The following SLC1A2 variants were observed in gnomAD, a reference collection of about 807,000 sequenced individuals.
The protein encoded by SLC1A2 is excitatory amino acid transporter 2.
A neutral mutation model predicts 48.8 loss-of-function variants in SLC1A2; 15 were observed. The ratio of observed to expected loss-of-function variants is 0.31; its 90% confidence interval spans 0.21 to 0.47. The LOEUF is 0.47. Among genes scored for constraint, SLC1A2 ranks in the 20% least tolerant of loss-of-function variants. The pLI is 0.99. For missense variants in SLC1A2, 502 were observed against 730.5 expected, an observed-to-expected ratio of 0.69 and a Z score of 3.61; for synonymous variants, 279 against 272.6, an observed-to-expected ratio of 1.02 and a Z score of -0.23.
At chr11:35,278,639 C>T (rs1395780794) in intron 9 of SLC1A2, among the ~76,000 whole-genome samples, 2 of 152,170 alleles carry the variant, frequency 1.3e-5, no homozygotes, top group Non-Finnish European at 2.9e-5. Flanking sequence ...GCCTTCCCAG[C>T]TGTCCTTCCT....
chr11:35,282,630 G>C (rs1308429788), intron 8 of SLC1A2, among the ~76,000 whole-genome samples: 1 of 152,036 alleles, frequency 6.6e-6, no homozygotes, highest in Non-Finnish European at 1.5e-5. Context: ...ATTCTCAACT[G>C]TTTCCCAAAC....
intron 1 of SLC1A2, among the ~76,000 whole-genome samples, chr11:35,343,785 T>G (rs1211641584): frequency 6.6e-6 from 1 of 151,966 alleles, no homozygotes; most frequent in Non-Finnish European, 1.5e-5. Context: ...CACCAGGATG[T>G]GCACAGACAC....
Position 35,315,017 on chromosome 11 carries a change from T to C in SLC1A2, c.310+6A>G, listed in dbSNP as rs1235110913. The stretch of plus-strand genomic sequence containing the variant: ...TGTTAGCCAGGCACTAGTGAGGTAG[T>C]CTTACCTGTGATTAAGCTGGAGATG... On this transcript the variant is annotated splice_donor_region_variant and intron_variant, in intron 3 of 10. Transcript: ENST00000278379. The C allele has an allele frequency of 2.5e-6, 4 of 1,609,704 alleles. No homozygotes were observed. The highest frequency in any genetic ancestry group is 2.2e-5 in the South Asian group (2 of 90,968).
At chr11:35,271,657 C>G (rs943885885) in intron 9 of SLC1A2, among the ~76,000 whole-genome samples, 1 of 152,044 alleles carries the variant, frequency 6.6e-6, no homozygotes, top group African/African-American at 2.4e-5. Flanking sequence ...GCCTGGCCAG[C>G]ACGGTGAAAC....
intron 1 of SLC1A2, among the ~76,000 whole-genome samples, chr11:35,376,681 A>G (rs1179860148): frequency 1.3e-5 from 2 of 152,206 alleles, no homozygotes; most frequent in Non-Finnish European, 2.9e-5. Context: ...ATCTTGATTT[A>G]ACATTATATC....
At chr11:35,284,856 G>A (rs1850760567) in intron 8 of SLC1A2, among the ~76,000 whole-genome samples, 1 of 152,202 alleles carries the variant, frequency 6.6e-6, no homozygotes, top group Admixed American at 6.5e-5. Context: ...TGGTCCCTGA[G>A]CTTGGACTTT....
chr11:35,272,836 A>C (rs1353450513), intron 9 of SLC1A2, among the ~76,000 whole-genome samples: 1 of 152,214 alleles, frequency 6.6e-6, no homozygotes, highest in Non-Finnish European at 1.5e-5. Flanking sequence ...GCTATGCTTT[A>C]GAGGTCACCA....
intron 1 of SLC1A2, among the ~76,000 whole-genome samples, chr11:35,407,946 G>A (rs557923178): frequency 2.0e-5 from 3 of 152,254 alleles, no homozygotes; most frequent in East Asian, 1.9e-4. Flanking sequence ...TAAAGGCCCC[G>A]GCCTGTCATG....
At chr11:35,261,346 T>C (rs1341297277) in intron 10 of SLC1A2, among the ~76,000 whole-genome samples, 1 of 152,210 alleles carries the variant, frequency 6.6e-6, no homozygotes, top group Admixed American at 6.5e-5. Context: ...ACTAGGTATC[T>C]AGTTCTACTC....
chr11:35,270,951 T>A (rs144613617), intron 9 of SLC1A2, among the ~76,000 whole-genome samples: 1 of 152,248 alleles, frequency 6.6e-6, no homozygotes, highest in Non-Finnish European at 1.5e-5. Context: ...GAAAAGATCA[T>A]GTTTGTTCCA....
chr11:35,339,042 T>C (rs1296012253), intron 1 of SLC1A2, among the ~76,000 whole-genome samples: 1 of 152,222 alleles, frequency 6.6e-6, no homozygotes, highest in African/African-American at 2.4e-5. Flanking sequence ...GGGGATCATC[T>C]TGTTTTCTAC....
intron 1 of SLC1A2, among the ~76,000 whole-genome samples, chr11:35,344,160 T>C (rs1419726665): frequency 6.6e-6 from 1 of 152,210 alleles, no homozygotes; most frequent in Non-Finnish European, 1.5e-5. Context: ...GGCTTGGCAT[T>C]GTTCTATATG....
chr11:35,419,016 G>C lies in SLC1A2; in HGVS notation c.-50C>G, dbSNP rs766386311. 91 of 1,529,554 alleles carry C rather than the reference G, an allele frequency of 5.9e-5. No individual in the cohort carries two copies. The highest frequency in any genetic ancestry group is 7.0e-5 in the Non-Finnish European group (79 of 1,131,592). The allele number at this position is 1,529,554 out of a possible 1,614,324, so 94.7% of individuals were successfully genotyped here. On this transcript the variant is annotated 5_prime_UTR_variant, in exon 1 of 11. Coordinates refer to ENST00000278379, the MANE Select transcript of SLC1A2 (RefSeq NM_004171.4). This position sits in a 1 kb window ranked among gnomAD's most constrained non-coding sequence, Gnocchi z 5.4. The stretch of plus-strand genomic sequence containing the variant: ...TCAGCACTATCCGGCAGCTGTGGGC[G>C]AGGGAGAAAGCGGACGCCGGGGTGA...
In SLC1A2 at chr11:35,374,512, T is replaced by C. The variant is rs1478487002; in HGVS notation, c.17+44438A>G. 6 of 250,148 alleles carry C rather than the reference T, an allele frequency of 2.4e-5. No individual in the cohort carries two copies. In the South Asian group the frequency reaches 2.7e-4, roughly 11 times the overall value. The allele number at this position is 250,148 out of a possible 1,614,324, so 15.5% of individuals were successfully genotyped here. The stretch of plus-strand genomic sequence containing the variant: ...CAACCTTTTGACTTCCCCGGCCATA[T>C]TGGAAGAAGAAACATTGTCTTGGGC... On this transcript the variant is annotated intron_variant, in intron 1 of 10. Transcript: ENST00000278379.
At chr11:35,267,852 A>G (rs1850146615) in intron 9 of SLC1A2, among the ~76,000 whole-genome samples, 1 of 152,164 alleles carries the variant, frequency 6.6e-6, no homozygotes, top group South Asian at 2.1e-4. Context: ...CTAATAGTTA[A>G]ATATCTCCAC....
chr11:35,406,971 C>T (rs1001263853), intron 1 of SLC1A2, among the ~76,000 whole-genome samples: 1 of 151,926 alleles, frequency 6.6e-6, no homozygotes, highest in Non-Finnish European at 1.5e-5. Flanking sequence ...GGGATTAAAA[C>T]TGGGTCCAAT....
chr11:35,317,845 G>C (rs1851934575), intron 1 of SLC1A2, among the ~76,000 whole-genome samples: 2 of 152,170 alleles, frequency 1.3e-5, no homozygotes, highest in African/African-American at 4.8e-5. Context: ...GGCTAAAATA[G>C]AGATCCAAAT....
chr11:35,360,969 G>A (rs1209657722), intron 1 of SLC1A2, among the ~76,000 whole-genome samples: 6 of 151,856 alleles, frequency 4.0e-5, no homozygotes, highest in Admixed American at 6.6e-5. Flanking sequence ...TCCACCTCCC[G>A]GGCTCAAGTG....
At chr11:35,342,110 C>A (rs1408415065) in intron 1 of SLC1A2, among the ~76,000 whole-genome samples, 2 of 152,154 alleles carry the variant, frequency 1.3e-5, no homozygotes, top group Non-Finnish European at 2.9e-5. Flanking sequence ...GTTTTGCAGA[C>A]AGGTGTGTAA....
Sources: gnomAD v4.1 joint callset for allele counts (sites outside exome capture counted in the v4.1 genomes callset) on GRCh38, gnomAD v4.1.1 for gene constraint, Gnocchi (gnomAD v3.1) non-coding constraint, MANE v1.5 for transcripts, NCBI Gene and HGNC (gene_info 2026-07-23, HGNC 2026-07-21) for gene names.